CHODL: variants seen among roughly 807,000 people sequenced by gnomAD.
CHODL encodes transmembrane protein MT75.
In CHODL, 29 loss-of-function variants were observed where a neutral mutation model predicts 34.5. That is an observed-to-expected ratio of 0.84 (90% CI 0.63 to 1.15). The LOEUF (loss-of-function observed/expected upper bound fraction) is 1.15, where lower values mean the gene tolerates loss of function less well. Among genes scored for constraint, CHODL ranks in the 50% most tolerant of loss-of-function variants. The pLI is 0.00. For missense variants in CHODL, 332 were observed against 332.5 expected (o/e 1.00, Z 0.01); for synonymous variants, 125 against 116.1 (o/e 1.08, Z -0.49).
chr21:18,125,288 G>A (rs12627697), intron 2 of CHODL, among the ~76,000 whole-genome samples: 11,703 of 152,218 alleles, frequency 0.077, 494 homozygotes, highest in East Asian at 0.17. Flanking sequence ...CACCCATTCA[G>A]TAAATATTTT....
chr21:18,247,469 T>C (rs1427036618), intron 1 of CHODL, among the ~76,000 whole-genome samples: 1 of 152,152 alleles, frequency 6.6e-6, no homozygotes, highest in Non-Finnish European at 1.5e-5. Context: ...AAATATTCAA[T>C]AAGGTACTTT....
intron 1 of CHODL, among the ~76,000 whole-genome samples, chr21:17,950,836 G>A (rs1242604702): frequency 3.3e-5 from 5 of 152,094 alleles, no homozygotes; most frequent in Non-Finnish European, 7.4e-5. Flanking sequence ...TGCCAAGTAA[G>A]TGCAGACTGG....
chr21:18,206,629 G>A (rs1488909937), intron 2 of CHODL, among the ~76,000 whole-genome samples: 1 of 150,554 alleles, frequency 6.6e-6, no homozygotes, highest in Non-Finnish European at 1.5e-5. Flanking sequence ...TTTTGCTTGA[G>A]GAATCTAGTC....
At chr21:17,977,364 CT>C (rs542807552) in intron 1 of CHODL, among the ~76,000 whole-genome samples, 256 of 134,110 alleles carry the variant, frequency 1.9e-3, no homozygotes, top group South Asian at 4.3e-3. Flanking sequence ...GGCTGTTTTA[CT>C]TTTTTTTTTT....
intron 1 of CHODL, among the ~76,000 whole-genome samples, chr21:17,946,517 C>G (rs2063410878): frequency 6.6e-6 from 1 of 152,136 alleles, no homozygotes; most frequent in Non-Finnish European, 1.5e-5. Flanking sequence ...TTGAAGTCCC[C>G]TGCTATATTA....
At chr21:18,010,297 C>CAA (rs71189576) in intron 1 of CHODL, among the ~76,000 whole-genome samples, 11,116 of 38,642 alleles carry the variant, frequency 0.29, 2,552 homozygotes, top group South Asian at 0.4. Flanking sequence ...ACTCCCGTCT[C>CAA]AAAAAAAAAA....
At chr21:18,128,106 C>G (rs752969250) in intron 2 of CHODL, among the ~76,000 whole-genome samples, 3 of 151,340 alleles carry the variant, frequency 2.0e-5, no homozygotes, top group Non-Finnish European at 4.4e-5. Context: ...CGAGACCATC[C>G]TGGCTAACAC....
chr21:18,144,490 TGTG>T (rs543160791), intron 2 of CHODL, among the ~76,000 whole-genome samples: 125 of 152,202 alleles, frequency 8.2e-4, no homozygotes, highest in Non-Finnish European at 1.6e-3. Flanking sequence ...GCATGTCACT[TGTG>T]ATGATTTCTA....
intron 2 of CHODL, among the ~76,000 whole-genome samples, chr21:18,136,600 A>G (rs971903990): frequency 1.3e-5 from 2 of 151,728 alleles, no homozygotes; most frequent in Admixed American, 1.3e-4. Context: ...TTAGTAGCTT[A>G]TCCTGTGGGA....
intron 2 of CHODL, among the ~76,000 whole-genome samples, chr21:18,222,405 AG>A (rs2073893104): frequency 1.3e-5 from 2 of 152,280 alleles, no homozygotes; most frequent in Non-Finnish European, 2.9e-5. Context: ...CTCAGAAAAT[AG>A]TGGTGTGCTA....
intron 2 of CHODL, among the ~76,000 whole-genome samples, chr21:18,040,758 C>A (rs2064365567): frequency 6.6e-6 from 1 of 151,732 alleles, no homozygotes; most frequent in South Asian, 2.1e-4. Flanking sequence ...TGAGTGTTAT[C>A]CACAGAACTC....
At chr21:18,031,765 A>G (rs1001189020) in intron 2 of CHODL, among the ~76,000 whole-genome samples, 9 of 152,106 alleles carry the variant, frequency 5.9e-5, no homozygotes, top group African/African-American at 1.7e-4. Context: ...TTGAGGCCCA[A>G]TAAATTACAC....
intron 1 of CHODL, among the ~76,000 whole-genome samples, chr21:18,000,890 A>C (rs997724198): frequency 7.2e-5 from 11 of 151,954 alleles, no homozygotes; most frequent in African/African-American, 2.4e-4. Flanking sequence ...TTTTTTCCTG[A>C]GATAGGTTTC....
At chr21:17,953,180 T>C (rs537713193) in intron 1 of CHODL, among the ~76,000 whole-genome samples, 1 of 152,226 alleles carries the variant, frequency 6.6e-6, no homozygotes, top group Admixed American at 6.5e-5. Flanking sequence ...TAATACCAAG[T>C]AAATAATGGA....
At chr21:17,972,024 C>A (rs1483248792) in intron 1 of CHODL, among the ~76,000 whole-genome samples, 1 of 152,142 alleles carries the variant, frequency 6.6e-6, no homozygotes, top group East Asian at 1.9e-4. Flanking sequence ...AATCAAGAAA[C>A]GTAATCCATC....
chr21:18,162,000 G>A (rs1255579793), intron 2 of CHODL, among the ~76,000 whole-genome samples: 2 of 152,256 alleles, frequency 1.3e-5, no homozygotes, highest in East Asian at 3.9e-4. Context: ...CCACCCACAA[G>A]ATATTGTCAG....
intron 2 of CHODL, among the ~76,000 whole-genome samples, chr21:18,211,676 A>G (rs1298740545): frequency 6.6e-6 from 1 of 152,220 alleles, no homozygotes; most frequent in Non-Finnish European, 1.5e-5. Flanking sequence ...TCTGGGGCTT[A>G]CTAATTAATC....
At chr21:18,103,952 C>T (rs747837995) in intron 2 of CHODL, among the ~76,000 whole-genome samples, 1 of 152,184 alleles carries the variant, frequency 6.6e-6, no homozygotes, top group Non-Finnish European at 1.5e-5. Flanking sequence ...TTCAGTTTTG[C>T]CCTTTTATAA....
chr21:18,103,218 A>G (rs2065235704), intron 2 of CHODL, among the ~76,000 whole-genome samples: 1 of 152,164 alleles, frequency 6.6e-6, no homozygotes, highest in Non-Finnish European at 1.5e-5. Context: ...AATCTTTTTA[A>G]ACTATGTTTT....
Sources: allele counts gnomAD v4.1 joint callset (sites outside exome capture counted in the v4.1 genomes callset), GRCh38; gene constraint gnomAD v4.1.1; transcripts MANE v1.5; gene names NCBI Gene and HGNC (gene_info 2026-07-23, HGNC 2026-07-21).